The following FGF12 variants were observed in gnomAD, a reference collection of about 807,000 sequenced individuals.
The protein encoded by FGF12 is fibroblast growth factor 12B.
FGF12 carries 14 observed loss-of-function variants against 23.6 expected under a neutral mutation model. The ratio of observed to expected loss-of-function variants is 0.59; its 90% CI spans 0.39 to 0.93. FGF12 has a LOEUF of 0.93. Among genes scored for constraint, FGF12 ranks in the 40% least tolerant of loss-of-function variants. The pLI is 0.00. For missense variants in FGF12, 175 were observed against 217.8 expected (o/e 0.80, Z 1.24); for synonymous variants, 62 against 77.3 (o/e 0.80, Z 1.04).
chr3:192,670,679 T>C (rs1717077698), intron 2 of FGF12, among the ~76,000 whole-genome samples: 1 of 152,184 alleles, frequency 6.6e-6, no homozygotes, highest in Non-Finnish European at 1.5e-5. Flanking sequence ...GTACTTGGAC[T>C]CACAAACAGT....
intron 4 of FGF12, among the ~76,000 whole-genome samples, chr3:192,299,284 A>G (rs1328911129): frequency 6.6e-6 from 1 of 152,204 alleles, no homozygotes; most frequent in Non-Finnish European, 1.5e-5. Flanking sequence ...AGCTGAAATT[A>G]TATCACTTTT....
chr3:192,634,430 A>T (rs1387429171), intron 2 of FGF12, among the ~76,000 whole-genome samples: 1 of 152,260 alleles, frequency 6.6e-6, no homozygotes, highest in African/African-American at 2.4e-5. Context: ...GATTTAAATT[A>T]TACAGGGAGG....
intron 2 of FGF12, among the ~76,000 whole-genome samples, chr3:192,667,489 A>G (rs1322491835): frequency 2.0e-5 from 3 of 151,554 alleles, no homozygotes; most frequent in Non-Finnish European, 2.9e-5. Flanking sequence ...GTGTACCTGT[A>G]GTCTCAGCTA....
chr3:192,167,008 C>G (rs1715197504), intron 5 of FGF12, among the ~76,000 whole-genome samples: 1 of 151,538 alleles, frequency 6.6e-6, no homozygotes, highest in Non-Finnish European at 1.5e-5. Flanking sequence ...AAAGTAAAAA[C>G]ACGATAATCT....
At chr3:192,220,276 T>A (rs763939347) in intron 4 of FGF12, among the ~76,000 whole-genome samples, 1 of 152,176 alleles carries the variant, frequency 6.6e-6, no homozygotes, top group African/African-American at 2.4e-5. Flanking sequence ...AGACCCTCCA[T>A]GACCTGGCTC....
intron 2 of FGF12, among the ~76,000 whole-genome samples, chr3:192,580,024 C>T (rs1210782041): frequency 6.6e-6 from 1 of 152,318 alleles, no homozygotes; most frequent in East Asian, 1.9e-4. Flanking sequence ...ATGACAGATG[C>T]CATGCTCCCT....
Position 192,607,077 on chromosome 3 carries a change from TCTGA to T in FGF12, c.13+120100_13+120103del, listed in dbSNP as rs563802714. Among the ~76,000 whole-genome samples the T allele has an allele frequency of 1.3e-4, 20 of 152,250 alleles. No homozygotes were observed. In the South Asian group the frequency reaches 4.1e-3, roughly 32 times the overall value. ...TCAGTCACAATTTTACCATTTATGC[TCTGA>T]CTGATTCTCTGTAACTTTTGAAATG... On this transcript the variant is annotated intron_variant, in intron 2 of 5. Coordinates refer to ENST00000445105, the MANE Select transcript of FGF12 (RefSeq NM_004113.6).
intron 2 of FGF12, among the ~76,000 whole-genome samples, chr3:192,655,011 T>C (rs1503594): frequency 0.57 from 86,688 of 152,012 alleles, 25,131 homozygotes; most frequent in East Asian, 0.67. Context: ...CAATTCTGTA[T>C]TTGAGCACAA....
chr3:192,542,062 G>A (rs1323589703), intron 2 of FGF12, among the ~76,000 whole-genome samples: 6 of 148,740 alleles, frequency 4.0e-5, no homozygotes, highest in East Asian at 3.9e-4. Flanking sequence ...TAGTGGAGAC[G>A]GGGTTTCACC....
chr3:192,499,772 T>C (rs918680668), intron 2 of FGF12, among the ~76,000 whole-genome samples: 5 of 151,284 alleles, frequency 3.3e-5, no homozygotes, highest in African/African-American at 1.2e-4. Context: ...ATGGTCTCAA[T>C]CTCCTGACCT....
intron 2 of FGF12, among the ~76,000 whole-genome samples, chr3:192,627,102 C>T (rs775926607): frequency 3.3e-5 from 5 of 152,016 alleles, no homozygotes; most frequent in South Asian, 2.1e-4. Flanking sequence ...AGAAAATGAA[C>T]GATTCCTATT....
intron 2 of FGF12, among the ~76,000 whole-genome samples, chr3:192,401,033 G>A (rs1194355999): frequency 6.6e-6 from 1 of 152,122 alleles, no homozygotes; most frequent in Non-Finnish European, 1.5e-5. Context: ...AATATTTACT[G>A]TATTTAGAAG....
chr3:192,408,889 G>A lies in FGF12; in HGVS notation c.14-48351C>T. 1 of 985,456 alleles carries A rather than the reference G, an allele frequency of 1.0e-6. No individual in the cohort carries two copies. The highest frequency in any genetic ancestry group is 1.2e-6 in the Non-Finnish European group (1 of 829,982). The allele number at this position is 985,456 out of a possible 1,614,324, so 61.0% of individuals were successfully genotyped here. The stretch of plus-strand genomic sequence containing the variant: ...CCGTCCCAGCAGGGTGAGGTCTACA[G>A]AATGCATCGCGCCGGCTGCGGCTTT... On this transcript the variant is annotated intron_variant, in intron 2 of 5. Coordinates refer to ENST00000445105, the MANE Select transcript of FGF12 (RefSeq NM_004113.6). This position sits in a 1 kb window ranked among gnomAD's most constrained non-coding sequence, Gnocchi z 7.3.
At chr3:192,669,563 C>G (rs996941936) in intron 2 of FGF12, among the ~76,000 whole-genome samples, 10 of 133,370 alleles carry the variant, frequency 7.5e-5, no homozygotes, top group Non-Finnish European at 1.5e-4. Flanking sequence ...GAAATTGTGC[C>G]ACTACACTCT....
intron 2 of FGF12, among the ~76,000 whole-genome samples, chr3:192,680,909 T>C (rs958600855): frequency 5.3e-5 from 8 of 152,158 alleles, no homozygotes; most frequent in Non-Finnish European, 1.5e-5. Context: ...GATCAAAGAA[T>C]AGGAATAGTT....
At chr3:192,472,209 G>T (rs1410831465) in intron 2 of FGF12, among the ~76,000 whole-genome samples, 1 of 152,014 alleles carries the variant, frequency 6.6e-6, no homozygotes, top group African/African-American at 2.4e-5. Context: ...GTAGAGACGG[G>T]GTTTCACCAT....
At position 192,392,620 on chromosome 3, in the gene FGF12, G is replaced by C. The variant is rs1720352082; in HGVS notation, c.14-32082C>G. The stretch of plus-strand genomic sequence containing the variant: ...AGAGAGAGAGAGAGAGAGAGAGAGA[G>C]AGAGAGAGAGAGAGGAAGGGAGGGA... On this transcript the variant is annotated intron_variant, in intron 2 of 5. Transcript: ENST00000445105. Among the ~76,000 whole-genome samples the C allele has an allele frequency of 2.5e-5, 3 of 119,130 alleles. No individual in the cohort carries two copies. The South Asian group carries it at 1.2e-3, about 49-fold the overall frequency. 78.2% of individuals were successfully genotyped at this position (119,130 alleles called of 152,430 possible).
chr3:192,225,865 T>A (rs1285008308), intron 4 of FGF12, among the ~76,000 whole-genome samples: 1 of 152,170 alleles, frequency 6.6e-6, no homozygotes, highest in African/African-American at 2.4e-5. Flanking sequence ...AGGCTACATA[T>A]TGTATGATTC....
chr3:192,340,676 C>T (rs540590372), intron 3 of FGF12, among the ~76,000 whole-genome samples: 2 of 151,938 alleles, frequency 1.3e-5, no homozygotes, highest in East Asian at 1.9e-4. Context: ...TAAAACTTCA[C>T]AGAAAAAAGG....
Sources: gnomAD v4.1 joint callset for allele counts (sites outside exome capture counted in the v4.1 genomes callset) on GRCh38, gnomAD v4.1.1 for gene constraint, Gnocchi (gnomAD v3.1) non-coding constraint, MANE v1.5 for transcripts, NCBI Gene and HGNC (gene_info 2026-07-23, HGNC 2026-07-21) for gene names.